The following PTPRQ variants were observed in gnomAD, a reference collection of about 807,000 sequenced individuals.
The protein encoded by PTPRQ is protein tyrosine phosphatase receptor type Q, also known as phosphatidylinositol phosphatase PTPRQ.
A neutral mutation model predicts 246.0 loss-of-function variants in PTPRQ; 199 were observed. That is an observed-to-expected ratio of 0.81 (90% CI 0.72 to 0.91). PTPRQ has a LOEUF of 0.91. Ranked by LOEUF, PTPRQ falls within the 40% of genes least tolerant of loss-of-function variation. The pLI is 0.00. For missense variants in PTPRQ, 2,624 were observed against 2,528.4 expected, an observed-to-expected ratio of 1.04 and a Z score of -0.81; for synonymous variants, 869 against 853.2, an observed-to-expected ratio of 1.02 and a Z score of -0.32.
intron 25 of PTPRQ, among the ~76,000 whole-genome samples, chr12:80,572,474 CT>C (rs1897172493): frequency 6.6e-6 from 1 of 151,940 alleles, no homozygotes; most frequent in East Asian, 1.9e-4. Context: ...TTCTCTCTTT[CT>C]TTCTTTCTTA....
chr12:80,592,110 A>G (rs1461250019), intron 26 of PTPRQ, among the ~76,000 whole-genome samples: 1 of 152,150 alleles, frequency 6.6e-6, no homozygotes, highest in Non-Finnish European at 1.5e-5. Context: ...TTCTATGGCC[A>G]TATTTTATTT....
At chr12:80,550,479 A>G (rs1011836811) in intron 25 of PTPRQ, among the ~76,000 whole-genome samples, 1 of 152,134 alleles carries the variant, frequency 6.6e-6, no homozygotes, top group Admixed American at 6.6e-5. Context: ...CTCTGATTTC[A>G]GCATCTAACT....
chr12:80,662,653 T>A (rs2121263270), intron 39 of PTPRQ, among the ~76,000 whole-genome samples: 1 of 152,020 alleles, frequency 6.6e-6, no homozygotes, highest in East Asian at 1.9e-4. Context: ...TGATGTTTCA[T>A]GGTAGTAGAT....
chr12:80,513,723 G>A (rs970726491), intron 17 of PTPRQ, among the ~76,000 whole-genome samples: 2 of 151,964 alleles, frequency 1.3e-5, no homozygotes, highest in Non-Finnish European at 2.9e-5. Context: ...ACCTTTTTAT[G>A]GAATCATTCT....
intron 8 of PTPRQ, among the ~76,000 whole-genome samples, chr12:80,477,103 T>C (rs1893834242): frequency 6.6e-6 from 1 of 152,190 alleles, no homozygotes; most frequent in Admixed American, 6.5e-5. Context: ...AGAACTTGCT[T>C]TAAGTTCTTG....
chr12:80,577,547 T>C (rs1197029301), intron 25 of PTPRQ, among the ~76,000 whole-genome samples: 1 of 152,162 alleles, frequency 6.6e-6, no homozygotes, highest in Non-Finnish European at 1.5e-5. Flanking sequence ...CATATTGGCC[T>C]CCAAACAGAA....
chr12:80,541,122 G>T (rs1387050614), intron 20 of PTPRQ, among the ~76,000 whole-genome samples: 1 of 152,058 alleles, frequency 6.6e-6, no homozygotes, highest in East Asian at 1.9e-4. Flanking sequence ...TGACCTTGGA[G>T]AAGTAACTTA....
chr12:80,598,485 A>G (rs1225363243), intron 26 of PTPRQ, among the ~76,000 whole-genome samples: 5 of 151,992 alleles, frequency 3.3e-5, no homozygotes, highest in Non-Finnish European at 5.9e-5. Flanking sequence ...TGAATTGCTT[A>G]AGACACAGGA....
chr12:80,606,575 A>G (rs964799134), intron 27 of PTPRQ, among the ~76,000 whole-genome samples: 2 of 150,976 alleles, frequency 1.3e-5, no homozygotes, highest in Non-Finnish European at 3.0e-5. Flanking sequence ...CAGTTTTCTA[A>G]TAGCATCTTA....
chr12:80,673,183 G>T lies in PTPRQ; in HGVS notation c.6617G>T (p.Arg2206Ile). Residue 2206 changes from arginine (R) to isoleucine (I), a missense_variant, in exon 43 of 45, where the codon AGA becomes ATA. Coordinates refer to ENST00000644991, the MANE Select transcript of PTPRQ (RefSeq NM_001145026.2). ...CCTTCCTGTAGTGCTGGAGTTGGAA[G>T]AACTGGAGTTTTTATTGCTCTGGAC... is the stretch of plus-strand genomic sequence containing the variant. ...MIVHCSAGVGRTGVFIALDHL... is the reference protein window; with the variant it reads ...MIVHCSAGVGITGVFIALDHL... The T allele has an allele frequency of 6.4e-7, 1 of 1,550,730 alleles. No homozygotes were observed. Among genetic ancestry groups the T allele is most frequent in the South Asian group, 1.2e-5 (1 of 84,002 alleles).
At chr12:80,455,487 A>G (rs1187211257) in intron 3 of PTPRQ, among the ~76,000 whole-genome samples, 4 of 152,094 alleles carry the variant, frequency 2.6e-5, no homozygotes, top group African/African-American at 9.7e-5. Context: ...CTAAAGTGCC[A>G]CTTTTGCTAA....
chr12:80,525,305 T>C (rs1041816773), intron 17 of PTPRQ, among the ~76,000 whole-genome samples: 2 of 152,172 alleles, frequency 1.3e-5, no homozygotes, highest in Non-Finnish European at 2.9e-5. Context: ...TCATCCCAAA[T>C]TGGCTTAAGC....
intron 17 of PTPRQ, among the ~76,000 whole-genome samples, chr12:80,529,994 T>C (rs1592620292): frequency 6.6e-6 from 1 of 152,184 alleles, no homozygotes; most frequent in African/African-American, 2.4e-5. Flanking sequence ...TAGATAATAA[T>C]TATTGTGTAA....
intron 25 of PTPRQ, among the ~76,000 whole-genome samples, chr12:80,574,949 C>T (rs992709202): frequency 7.9e-5 from 12 of 152,218 alleles, no homozygotes; most frequent in East Asian, 1.9e-4. Context: ...ACTACTTTAG[C>T]AGCCTCATAC....
In PTPRQ at chr12:80,457,466, G is replaced by C. The variant is rs917853124; in HGVS notation, c.391-109G>C. ...CTTCTTCCTTGAGAGTATTAAAAAA[G>C]TATCTTTGGCATTTATCTTATGGAT... is the stretch of plus-strand genomic sequence containing the variant. On this transcript the variant is annotated intron_variant, in intron 3 of 44. Coordinates refer to ENST00000644991, the MANE Select transcript of PTPRQ (RefSeq NM_001145026.2). The C allele has an allele frequency of 5.3e-5, 21 of 398,038 alleles. No homozygotes were observed. The Middle Eastern group carries it at 1.2e-3, about 24-fold the overall frequency. 24.7% of individuals were successfully genotyped at this position (398,038 alleles called of 1,614,324 possible). A position where few individuals can be genotyped will look rare whatever the true frequency, so the allele number is the denominator to read the frequency against.
intron 35 of PTPRQ, among the ~76,000 whole-genome samples, chr12:80,641,866 TCTCTCTCTCTCTCTCTTG>T (rs1899869601): frequency 6.8e-6 from 1 of 147,994 alleles, no homozygotes; most frequent in Non-Finnish European, 1.5e-5. Context: ...TCTCTCTCAC[TCTCTCTCTCTCTCTCTTG>T]CTCTCTCTCT....
chr12:80,620,470 G>A lies in PTPRQ; in HGVS notation c.5612+94G>A, dbSNP rs139332821. ...GCCTGTCCTTTCATCTTTCCAATAA[G>A]CACTGGATGTCCGCCACGTATAGTG... On this transcript the variant is annotated intron_variant, in intron 32 of 44. Coordinates refer to ENST00000644991, the MANE Select transcript of PTPRQ (RefSeq NM_001145026.2). 6.3e-3 allele frequency: 9,499 copies of A among 1,498,818 alleles called. 75 individuals carry two copies. Among genetic ancestry groups the A allele is most frequent in the Middle Eastern group, 0.038 (167 of 4,414 alleles). 92.8% of individuals were successfully genotyped at this position (1,498,818 alleles called of 1,614,324 possible).
At chr12:80,611,183 A>G (rs1898536336) in intron 28 of PTPRQ, among the ~76,000 whole-genome samples, 1 of 150,402 alleles carries the variant, frequency 6.6e-6, no homozygotes, top group South Asian at 2.1e-4. Flanking sequence ...GTTCTTATGA[A>G]CAGGGTCTGA....
intron 23 of PTPRQ, 85 bp downstream of exon 23, chr12:80,542,966 T>G: frequency 1.1e-6 from 1 of 923,616 alleles, no homozygotes; most frequent in Non-Finnish European, 1.5e-6. Context: ...GAAAATGGAC[T>G]ACTAAATTAA....
Sources: gnomAD v4.1 joint callset for allele counts (sites outside exome capture counted in the v4.1 genomes callset) on GRCh38, gnomAD v4.1.1 for gene constraint, MANE v1.5 for transcripts, NCBI Gene and HGNC (gene_info 2026-07-23, HGNC 2026-07-21) for gene names.